Variants in LPA observed in about 807,000 individuals in gnomAD.
The protein encoded by LPA is lipoprotein(a).
LPA carries 199 observed loss-of-function variants against 197.9 expected under a neutral mutation model. The observed-to-expected ratio is 1.01, with a 90% CI of 0.90 to 1.13. The LOEUF is 1.13. Among genes scored for constraint, LPA ranks in the 50% most tolerant of loss-of-function variants. The probability of loss-of-function intolerance (pLI) is 0.00; values close to 1 mark genes in which losing one functional copy is unlikely to be tolerated. For missense variants in LPA, 1,853 were observed against 1,785.8 expected (o/e 1.04, Z -0.68); for synonymous variants, 715 against 639.5 (o/e 1.12, Z -1.78).
intron 20 of LPA, among the ~76,000 whole-genome samples, chr6:160,597,168 A>T (rs1451117664): frequency 1.3e-5 from 2 of 152,210 alleles, no homozygotes; most frequent in African/African-American, 4.8e-5. Context: ...AATGTTAAAT[A>T]GGTCGACGTT....
chr6:160,647,263 A>T (rs1779908433), intron 2 of LPA, among the ~76,000 whole-genome samples: 2 of 152,180 alleles, frequency 1.3e-5, no homozygotes, highest in South Asian at 4.1e-4. Flanking sequence ...AGGAGCAAAA[A>T]ACAATGAATT....
At position 160,600,907 on chromosome 6, in the gene LPA, A is replaced by AACTT; in HGVS notation, c.3127+6_3127+9dup. ...ATCCAAGCAGGTAAATGTCTGGCAC[A>AACTT]ACTTCTTACCTTGTTCAAAAAAAGC... On this transcript the variant is annotated intron_variant, in intron 19 of 38. Coordinates refer to ENST00000316300, the MANE Select transcript of LPA (RefSeq NM_005577.4). 6.2e-7 allele frequency: 1 copy of AACTT among 1,612,112 alleles called. No individual in the cohort carries two copies. The highest frequency in any genetic ancestry group is 8.5e-7 in the Non-Finnish European group (1 of 1,179,930).
chr6:160,634,994 C>A (rs545754928), intron 7 of LPA, 129 bp downstream of exon 7: 5 of 1,506,124 alleles, frequency 3.3e-6, no homozygotes, highest in Non-Finnish European at 4.6e-6. Context: ...GAGGCTTCCC[C>A]CAACATGGCA....
intron 2 of LPA, among the ~76,000 whole-genome samples, chr6:160,648,885 T>C (rs1779953901): frequency 1.3e-5 from 2 of 152,194 alleles, no homozygotes; most frequent in African/African-American, 4.8e-5. Context: ...ATCATTTCTG[T>C]CTCTTCTGGG....
At chr6:160,604,847 A>G (rs571540029) in intron 18 of LPA, among the ~76,000 whole-genome samples, 199 bp downstream of exon 18, 1 of 152,280 alleles carries the variant, frequency 6.6e-6, no homozygotes, top group Non-Finnish European at 1.5e-5. Flanking sequence ...CTGCTCCATT[A>G]AACTAGGAGG....
intron 19 of LPA, among the ~76,000 whole-genome samples, chr6:160,600,112 A>G (rs1356644635): frequency 6.6e-6 from 1 of 152,204 alleles, no homozygotes; most frequent in African/African-American, 2.4e-5. Flanking sequence ...GATTGCTCAA[A>G]AAAGAAAGCA....
At chr6:160,599,791 A>G (rs1779203690) in intron 19 of LPA, 132 bp from the exon 20 acceptor site, 2 of 950,926 alleles carry the variant, frequency 2.1e-6, no homozygotes, top group Non-Finnish European at 3.2e-6. Flanking sequence ...TAATAGGCAA[A>G]TGGACATGAG....
At chr6:160,608,171 T>A (rs1323852299) in intron 16 of LPA, among the ~76,000 whole-genome samples, 2 of 152,184 alleles carry the variant, frequency 1.3e-5, no homozygotes, top group Non-Finnish European at 2.9e-5. Flanking sequence ...GGGTTCTTCA[T>A]TACATGGGCT....
intron 33 of LPA, 62 bp downstream of exon 33, chr6:160,545,378 T>G (rs1554230955): frequency 2.5e-6 from 3 of 1,186,554 alleles, no homozygotes; most frequent in South Asian, 2.5e-5. Flanking sequence ...TTTTTTTTGC[T>G]TTTTTTTTTC....
At chr6:160,612,560 T>A (rs6904153) in intron 15 of LPA, among the ~76,000 whole-genome samples, 1,493 of 1,932 alleles carry the variant, frequency 0.77, 738 homozygotes, top group Middle Eastern at 1. Context: ...TGAAGATTGC[T>A]CTGAATGCTG....
chr6:160,593,983 T>C lies in LPA; in HGVS notation c.3604A>G (p.Arg1202Gly). 4.3e-6 allele frequency: 7 copies of C among 1,613,980 alleles called. No homozygotes were observed. The highest frequency in any genetic ancestry group is 5.9e-6 in the Non-Finnish European group (7 of 1,179,850). Residue 1202 changes from arginine to glycine, a missense_variant, in exon 22 of 39, where the codon AGG becomes GGG. This residue lies in a region of LPA where 1,737 missense variants were observed against 1,504.4 expected (regional missense o/e 1.15). Coordinates refer to ENST00000316300, the MANE Select transcript of LPA (RefSeq NM_005577.4). ...CCATTTGGATAATATTCTGTTGTCC[T>C]CTGATGCCAGTGTGGTGTCATAGAG... The part of the protein sequence containing the change: ...WSSMTPHWHQ[R>G]TTEYYPNGGL...
chr6:160,575,749 T>C (rs1455485120), intron 28 of LPA, among the ~76,000 whole-genome samples: 2 of 152,204 alleles, frequency 1.3e-5, no homozygotes, highest in African/African-American at 2.4e-5. Context: ...ATTGAACTCA[T>C]TGTTCCCTTG....
intron 7 of LPA, among the ~76,000 whole-genome samples, chr6:160,634,438 C>G (rs374212411): frequency 2.4e-5 from 3 of 123,326 alleles, no homozygotes; most frequent in Admixed American, 1.6e-4. Context: ...GATGTGTGCA[C>G]GCCAAAACCT....
At chr6:160,551,424 T>C (rs2115006581) in intron 30 of LPA, among the ~76,000 whole-genome samples, 1 of 152,362 alleles carries the variant, frequency 6.6e-6, no homozygotes, top group African/African-American at 2.4e-5. Context: ...GTTCCTATAT[T>C]CTGGACACAA....
intron 28 of LPA, among the ~76,000 whole-genome samples, chr6:160,568,191 A>T (rs1217515287): frequency 6.6e-6 from 1 of 152,226 alleles, no homozygotes; most frequent in Admixed American, 6.5e-5. Context: ...AACAAAAATG[A>T]GAATTTTAGA....
intron 19 of LPA, 113 bp from the exon 20 acceptor site, chr6:160,599,772 A>G (rs1779203369): frequency 1.0e-5 from 12 of 1,168,434 alleles, no homozygotes; most frequent in Non-Finnish European, 1.5e-5. Context: ...ACCATTCTCT[A>G]TTCTTTATTA....
At chr6:160,599,230 C>A (rs910648414) in intron 20 of LPA, among the ~76,000 whole-genome samples, 58 of 152,294 alleles carry the variant, frequency 3.8e-4, no homozygotes, top group African/African-American at 1.3e-3. Flanking sequence ...GTAGTCCCAG[C>A]TGCTAGAGAG....
chr6:160,560,760 G>T (rs1423027041), intron 28 of LPA, among the ~76,000 whole-genome samples: 1 of 151,742 alleles, frequency 6.6e-6, no homozygotes, highest in African/African-American at 2.4e-5. Context: ...AGAGTTTTTT[G>T]CTGTGCAGAA....
At chr6:160,537,019 A>T (rs1158113474) in intron 37 of LPA, among the ~76,000 whole-genome samples, 3 of 152,194 alleles carry the variant, frequency 2.0e-5, no homozygotes, top group African/African-American at 7.2e-5. Context: ...GTTCAGGTCT[A>T]TCTGGCAAGT....
Sources: allele counts gnomAD v4.1 joint callset (sites outside exome capture counted in the v4.1 genomes callset), GRCh38; gene constraint gnomAD v4.1.1; regional missense constraint gnomAD v4.1.1; transcripts MANE v1.5; gene names NCBI Gene and HGNC (gene_info 2026-07-23, HGNC 2026-07-21).